SLC4A10: variants seen among roughly 807,000 people sequenced by gnomAD.
SLC4A10 encodes the protein sodium-driven chloride bicarbonate exchanger.
SLC4A10 carries 42 observed loss-of-function variants against 137.7 expected under a neutral mutation model. That is an observed-to-expected ratio of 0.30 (90% CI 0.24 to 0.39). The LOEUF is 0.39. Among genes scored for constraint, SLC4A10 ranks in the 10% least tolerant of loss-of-function variants. SLC4A10 has a pLI of 1.00. For synonymous variants in SLC4A10, 474 were observed against 464.1 expected (o/e 1.02, Z -0.27); for missense variants, 925 against 1,355.0 (o/e 0.68, Z 4.98).
intron 1 of SLC4A10, among the ~76,000 whole-genome samples, chr2:161,718,832 T>TC (rs2045269272): frequency 6.6e-6 from 1 of 152,124 alleles, no homozygotes; most frequent in South Asian, 2.1e-4. Context: ...AGAGCTGACT[T>TC]CAAGTCCTTT....
intron 1 of SLC4A10, among the ~76,000 whole-genome samples, chr2:161,767,813 C>T (rs1244558297): frequency 3.3e-5 from 5 of 152,116 alleles, no homozygotes; most frequent in Non-Finnish European, 7.4e-5. Flanking sequence ...AAGATGATAT[C>T]GCCTCTCAGT....
At chr2:161,755,984 T>A (rs2049592165) in intron 1 of SLC4A10, among the ~76,000 whole-genome samples, 2 of 152,182 alleles carry the variant, frequency 1.3e-5, no homozygotes, top group Non-Finnish European at 1.5e-5. Flanking sequence ...TTGGCCAGGG[T>A]GATCTCGAAC....
At chr2:161,947,484 T>C (rs1575789832) in intron 16 of SLC4A10, 82 bp from the exon 17 acceptor site, 1 of 1,395,252 alleles carries the variant, frequency 7.2e-7, no homozygotes, top group Non-Finnish European at 9.7e-7. Context: ...TGAACTACAA[T>C]TGATCAGAAG....
chr2:161,633,384 G>A (rs1200735375), intron 1 of SLC4A10, among the ~76,000 whole-genome samples: 1 of 151,664 alleles, frequency 6.6e-6, no homozygotes, highest in Non-Finnish European at 1.5e-5. Context: ...AATATATCAT[G>A]GGTAATAGAT....
At chr2:161,928,497 A>G (rs894148391) in intron 15 of SLC4A10, among the ~76,000 whole-genome samples, 1 of 151,436 alleles carries the variant, frequency 6.6e-6, no homozygotes, top group Non-Finnish European at 1.5e-5. Flanking sequence ...CATTGTGTAC[A>G]TGTACCCTAA....
At chr2:161,683,443 G>C (rs2041076973) in intron 1 of SLC4A10, among the ~76,000 whole-genome samples, 2 of 152,162 alleles carry the variant, frequency 1.3e-5, no homozygotes, top group Non-Finnish European at 2.9e-5. Context: ...CAAAGGGACA[G>C]CTTCAAATGA....
At chr2:161,773,690 T>A (rs896236745) in intron 2 of SLC4A10, among the ~76,000 whole-genome samples, 1 of 151,872 alleles carries the variant, frequency 6.6e-6, no homozygotes, top group African/African-American at 2.4e-5. Flanking sequence ...ATATATTTAA[T>A]GGGAAATGAT....
intron 15 of SLC4A10, among the ~76,000 whole-genome samples, chr2:161,933,526 A>G (rs1447162013): frequency 6.6e-6 from 1 of 151,846 alleles, no homozygotes. Context: ...CCGAGTAACT[A>G]GGACAACATG....
intron 1 of SLC4A10, among the ~76,000 whole-genome samples, chr2:161,677,888 C>T (rs1300841254): frequency 1.3e-5 from 2 of 152,104 alleles, no homozygotes; most frequent in Non-Finnish European, 2.9e-5. Context: ...CTTGGCAGTA[C>T]AATGTTACTT....
At chr2:161,843,243 C>T (rs527623557) in intron 4 of SLC4A10, among the ~76,000 whole-genome samples, 2 of 152,014 alleles carry the variant, frequency 1.3e-5, no homozygotes, top group Admixed American at 6.6e-5. Context: ...ATTGCAGAAG[C>T]GATACTAGAA....
chr2:161,703,203 T>C (rs1032327405), intron 1 of SLC4A10, among the ~76,000 whole-genome samples: 3 of 151,736 alleles, frequency 2.0e-5, no homozygotes, highest in South Asian at 4.1e-4. Context: ...AGAGGATGTA[T>C]GTAAGGCTGT....
intron 2 of SLC4A10, among the ~76,000 whole-genome samples, chr2:161,773,997 C>A (rs1463790570): frequency 1.3e-5 from 2 of 151,792 alleles, no homozygotes; most frequent in Admixed American, 6.6e-5. Flanking sequence ...TGCTCTACTT[C>A]CCTCTCTCTC....
At chr2:161,828,846 C>T (rs1437141426) in intron 3 of SLC4A10, among the ~76,000 whole-genome samples, 1 of 138,064 alleles carries the variant, frequency 7.2e-6, no homozygotes, top group Non-Finnish European at 1.6e-5. Context: ...CTCTCTAGAG[C>T]ATGCAGTGGA....
intron 15 of SLC4A10, among the ~76,000 whole-genome samples, chr2:161,916,624 C>T (rs956870453): frequency 2.0e-5 from 3 of 152,208 alleles, no homozygotes; most frequent in African/African-American, 7.2e-5. Context: ...CCCAGTGCCT[C>T]TCTTCTCTCT....
chr2:161,908,429 A>C (rs1684972527), intron 15 of SLC4A10, among the ~76,000 whole-genome samples: 1 of 101,956 alleles, frequency 9.8e-6, no homozygotes, highest in Non-Finnish European at 1.8e-5. Context: ...CACACTGGGG[A>C]CTGTTGTGGG....
intron 21 of SLC4A10, among the ~76,000 whole-genome samples, chr2:161,959,412 C>T (rs898749604): frequency 5.3e-5 from 8 of 152,146 alleles, no homozygotes; most frequent in African/African-American, 1.9e-4. Context: ...GGACAAGGTC[C>T]ACAGCATCTG....
chr2:161,766,768 A>G (rs1559201199), intron 1 of SLC4A10, among the ~76,000 whole-genome samples: 1 of 151,528 alleles, frequency 6.6e-6, no homozygotes. Context: ...TGCTCTAACC[A>G]AGTCATTTTA....
chr2:161,731,502 T>G (rs1225265525), intron 1 of SLC4A10, among the ~76,000 whole-genome samples: 1 of 152,202 alleles, frequency 6.6e-6, no homozygotes, highest in Non-Finnish European at 1.5e-5. Context: ...GGGACAGTTT[T>G]CTTCATAGCA....
At position 161,746,302 on chromosome 2, in the gene SLC4A10, C is replaced by G. The variant is rs574162303; in HGVS notation, c.49-24671C>G. On this transcript the variant is annotated intron_variant, in intron 1 of 26. Transcript: ENST00000446997. Reference sequence around the variant, plus strand: ...CTGAGCTGGTACCCAGGCTGCAAGACAAAAGTCCTCTTTACTTTTCCCTTT... The same window carrying G: ...CTGAGCTGGTACCCAGGCTGCAAGAGAAAAGTCCTCTTTACTTTTCCCTTT... Among the ~76,000 whole-genome samples, 3 of 150,940 alleles carry G rather than the reference C, an allele frequency of 2.0e-5. No individual in the cohort carries two copies. In the East Asian group the frequency reaches 5.9e-4, roughly 30 times the overall value.
Sources: allele counts gnomAD v4.1 joint callset (sites outside exome capture counted in the v4.1 genomes callset), GRCh38; gene constraint gnomAD v4.1.1; transcripts MANE v1.5; gene names NCBI Gene and HGNC (gene_info 2026-07-23, HGNC 2026-07-21).